C2orf76: variants seen among roughly 807,000 people sequenced by gnomAD.
C2orf76 encodes the protein UPF0538 protein C2orf76.
A neutral mutation model predicts 16.9 loss-of-function variants in C2orf76; 23 were observed. That is an observed-to-expected ratio of 1.36 (90% CI 0.98 to 1.93). The LOEUF (loss-of-function observed/expected upper bound fraction) is 1.93. Among genes scored for constraint, C2orf76 ranks in the 30% most tolerant of loss-of-function variants. The pLI, the probability that C2orf76 is intolerant of heterozygous loss-of-function variation, is 0.00. For missense variants in C2orf76, 152 were observed against 152.6 expected (o/e 1.00, Z 0.02); for synonymous variants, 48 against 52.3 (o/e 0.92, Z 0.35).
At chr2:119,332,736 T>C (rs1422573958) in intron 2 of C2orf76, among the ~76,000 whole-genome samples, 1 of 152,134 alleles carries the variant, frequency 6.6e-6, no homozygotes, top group East Asian at 1.9e-4. Flanking sequence ...AATAGTTTTG[T>C]TTTGTTTTGT....
intron 1 of C2orf76, among the ~76,000 whole-genome samples, chr2:119,343,543 T>A (rs1004146092): frequency 1.3e-5 from 2 of 151,734 alleles, no homozygotes; most frequent in Admixed American, 1.3e-4. Flanking sequence ...CAGCCCAGTG[T>A]CCCTAAGAAC....
chr2:119,311,823 G>C lies in C2orf76; in HGVS notation c.223-120C>G, dbSNP rs375700591. ...AGCAATAATCTAAGTAGATTCCACT[G>C]CCCTGGCCGTAATGAGGGCAGTGAA... On this transcript the variant is annotated intron_variant, in intron 4 of 5. Coordinates refer to ENST00000334816, the MANE Select transcript of C2orf76 (RefSeq NM_001322331.2). The C allele has an allele frequency of 2.2e-5, 20 of 927,990 alleles. No homozygotes were observed. The African/African-American group carries it at 2.8e-4, about 13-fold the overall frequency. The allele number at this position is 927,990 out of a possible 1,614,324, so 57.5% of individuals were successfully genotyped here.
chr2:119,359,641 T>C (rs1034438026), intron 1 of C2orf76, among the ~76,000 whole-genome samples: 3 of 152,096 alleles, frequency 2.0e-5, no homozygotes, highest in Non-Finnish European at 4.4e-5. Context: ...TAACAGCAAA[T>C]GTGGTGGAAA....
At chr2:119,293,860 TGG>T in the C2orf76 span, among the ~76,000 whole-genome samples, 1 of 152,192 alleles carries the variant, frequency 6.6e-6, no homozygotes, top group East Asian at 1.9e-4. Context: ...AGACTGAGCA[TGG>T]TCCACCCTCA....
chr2:119,326,024 C>T (rs1679500260), intron 2 of C2orf76, among the ~76,000 whole-genome samples: 1 of 152,164 alleles, frequency 6.6e-6, no homozygotes, highest in South Asian at 2.1e-4. Context: ...ATCTTCTCCA[C>T]ATCTGTGGTT....
chr2:119,332,971 G>C (rs1483974933), intron 2 of C2orf76, among the ~76,000 whole-genome samples: 1 of 152,184 alleles, frequency 6.6e-6, no homozygotes, highest in Non-Finnish European at 1.5e-5. Context: ...GCATTCAAGT[G>C]ATCCTCCCGC....
chr2:119,363,634 G>A (rs926726639), intron 1 of C2orf76, among the ~76,000 whole-genome samples: 1 of 152,122 alleles, frequency 6.6e-6, no homozygotes, highest in African/African-American at 2.4e-5. Flanking sequence ...CTGGTGATTA[G>A]GTTACTTTCA....
downstream of C2orf76, among the ~76,000 whole-genome samples, chr2:119,297,766 G>C (rs1038838086): frequency 1.3e-5 from 2 of 152,076 alleles, no homozygotes; most frequent in African/African-American, 4.8e-5. Flanking sequence ...CAAAGTGCTG[G>C]GATTACAGGT....
At chr2:119,287,422 C>T in the C2orf76 span, among the ~76,000 whole-genome samples, 1 of 152,202 alleles carries the variant, frequency 6.6e-6, no homozygotes, top group African/African-American at 2.4e-5. Context: ...CATACATACA[C>T]ACCGCCCGAG....
At chr2:119,306,185 C>T (rs905439348) in intron 5 of C2orf76, among the ~76,000 whole-genome samples, 2 of 152,048 alleles carry the variant, frequency 1.3e-5, no homozygotes, top group African/African-American at 2.4e-5. Context: ...GAAGAAAACA[C>T]GCATGACCTA....
chr2:119,341,730 GA>G (rs914915179), intron 1 of C2orf76, among the ~76,000 whole-genome samples: 6 of 151,600 alleles, frequency 4.0e-5, no homozygotes, highest in African/African-American at 1.5e-4. Flanking sequence ...GTAAGTACTA[GA>G]AAAAAAATAC....
chr2:119,340,755 TAC>T (rs60777590), intron 1 of C2orf76, among the ~76,000 whole-genome samples: 4,344 of 140,256 alleles, frequency 0.031, 82 homozygotes, highest in East Asian at 0.093. Flanking sequence ...TGCTTTCTAA[TAC>T]ACACACACAC....
chr2:119,312,711 C>T (rs1371806869), intron 4 of C2orf76, among the ~76,000 whole-genome samples: 1 of 151,844 alleles, frequency 6.6e-6, no homozygotes. Context: ...TCCAGTGAGA[C>T]TCATAAATAC....
chr2:119,360,475 C>CT (rs1321731490), intron 1 of C2orf76, among the ~76,000 whole-genome samples: 1 of 92,090 alleles, frequency 1.1e-5, no homozygotes, highest in East Asian at 3.2e-4. Context: ...AAAACTCTGT[C>CT]TCAAAAAAAA....
intron 1 of C2orf76, among the ~76,000 whole-genome samples, chr2:119,355,373 AAGAC>A (rs1680537627): frequency 6.6e-6 from 1 of 152,182 alleles, no homozygotes; most frequent in African/African-American, 2.4e-5. Context: ...ACAGCTTAGA[AAGAC>A]AGAGACAGTA....
chr2:119,313,865 TA>T, intron 4 of C2orf76, among the ~76,000 whole-genome samples: 1 of 152,198 alleles, frequency 6.6e-6, no homozygotes, highest in Non-Finnish European at 1.5e-5. Context: ...AAGTTCTGAA[TA>T]TTTTCTATTT....
the C2orf76 span, among the ~76,000 whole-genome samples, chr2:119,289,171 C>T: frequency 6.6e-6 from 1 of 152,068 alleles, no homozygotes; most frequent in East Asian, 1.9e-4. Flanking sequence ...AGGCAGGTCC[C>T]AACGCATTTC....
chr2:119,359,774 GAGAC>G (rs1162049779), intron 1 of C2orf76, among the ~76,000 whole-genome samples: 2 of 152,310 alleles, frequency 1.3e-5, no homozygotes, highest in East Asian at 3.9e-4. Flanking sequence ...GCAGTTTCTT[GAGAC>G]AGAATCTACT....
chr2:119,295,745 T>A, the C2orf76 span, among the ~76,000 whole-genome samples: 2 of 152,074 alleles, frequency 1.3e-5, no homozygotes, highest in East Asian at 3.9e-4. Context: ...TTTGAAAGAG[T>A]CACATGACTT....
Sources: allele counts gnomAD v4.1 joint callset (sites outside exome capture counted in the v4.1 genomes callset), GRCh38; gene constraint gnomAD v4.1.1; transcripts MANE v1.5; gene names NCBI Gene and HGNC (gene_info 2026-07-23, HGNC 2026-07-21).